Variants in ZBTB43 observed in about 807,000 individuals in gnomAD.
ZBTB43 encodes the protein zinc finger and BTB domain containing 43.
ZBTB43 carries 6 observed loss-of-function variants against 31.1 expected under a neutral mutation model. The ratio of observed to expected loss-of-function variants is 0.19; its 90% CI spans 0.11 to 0.38. The LOEUF (loss-of-function observed/expected upper bound fraction) is 0.38. ZBTB43 is among the 10% of genes least tolerant of loss of function. The probability of loss-of-function intolerance (pLI) is 1.00; values close to 1 mark genes in which losing one functional copy is unlikely to be tolerated. For synonymous variants in ZBTB43, 212 were observed against 221.7 expected (o/e 0.96, Z 0.39); for missense variants, 379 against 602.1 (o/e 0.63, Z 3.88).
At chr9:126,826,043 C>T (rs1407547217) in intron 2 of ZBTB43, among the ~76,000 whole-genome samples, 9 of 133,156 alleles carry the variant, frequency 6.8e-5, no homozygotes, top group African/African-American at 1.1e-4. Flanking sequence ...GATGAAGTTT[C>T]GCTCTTGTTG....
intron 2 of ZBTB43, 184 bp from the exon 3 acceptor site, chr9:126,832,303 T>C: frequency 1.7e-6 from 1 of 591,278 alleles, no homozygotes; most frequent in African/African-American, 1.9e-5. Context: ...GGAGTGGTGG[T>C]GAGTCCTGCC....
chr9:126,804,903 G>C (rs924384131), upstream of ZBTB43: 5 of 152,510 alleles, frequency 3.3e-5, no homozygotes, highest in African/African-American at 9.6e-5. Context: ...CGCTACCTCC[G>C]CGCTCTCTCC....
rs576666515 is a variant in ZBTB43 at position 126,813,213 on chromosome 9, C to T, written c.-24+4298C>T. On this transcript the variant is annotated intron_variant, in intron 2 of 2. Transcript: ENST00000373464. Reference sequence around the variant, plus strand: ...CAGGCCGGTCTGGAACTCCTGACTTCGAGTGATCCACGTGCCTCAGCCTCC... The same window carrying T: ...CAGGCCGGTCTGGAACTCCTGACTTTGAGTGATCCACGTGCCTCAGCCTCC... Among the ~76,000 whole-genome samples the T allele has an allele frequency of 7.2e-5, 11 of 152,244 alleles. No individual in the cohort carries two copies. In the South Asian group the frequency reaches 1.5e-3, roughly 20 times the overall value.
Position 126,811,249 on chromosome 9 carries a change from A to T in ZBTB43, c.-24+2334A>T, listed in dbSNP as rs940047418. Among the ~76,000 whole-genome samples the T allele has an allele frequency of 1.1e-4, 17 of 151,698 alleles. 1 individual carries two copies. The highest frequency in any genetic ancestry group is 6.8e-3 in the Middle Eastern group (2 of 292). ...AAAAAAAAAAAGAAGAAAAAATTAT[A>T]TTCACCTTTTCTTTCCACCTCTTAA... On this transcript the variant is annotated intron_variant, in intron 2 of 2. Coordinates refer to ENST00000373464, the MANE Select transcript of ZBTB43 (RefSeq NM_014007.4).
chr9:126,833,198 C>T lies in ZBTB43; in HGVS notation c.689C>T (p.Pro230Leu). The T allele has an allele frequency of 6.2e-7, 1 of 1,613,632 alleles. No individual in the cohort carries two copies. Among genetic ancestry groups the T allele is most frequent in the South Asian group, 1.1e-5 (1 of 91,082 alleles). The stretch of plus-strand genomic sequence containing the variant: ...AGCGCCGAGTTCCACTACACCCGGC[C>T]CATGTACAGCAAGCCCAGCATCATG... Reference protein sequence around the residue: ...SDSAEFHYTRPMYSKPSIMAH... With the variant: ...SDSAEFHYTRLMYSKPSIMAH... Residue 230 changes from proline (P) to leucine (L), a missense_variant, in exon 3 of 3, where the codon CCC (proline) becomes CTC (leucine). Around this residue, in one of 5 missense-constraint regions of ZBTB43, gnomAD observed 253 missense variants for 322.3 expected, o/e 0.79. Coordinates refer to ENST00000373464, the MANE Select transcript of ZBTB43 (RefSeq NM_014007.4). This position sits in a 1 kb window ranked among gnomAD's most constrained non-coding sequence, Gnocchi z 7.9.
chr9:126,811,082 C>T (rs537289608), intron 2 of ZBTB43, among the ~76,000 whole-genome samples: 5 of 151,732 alleles, frequency 3.3e-5, no homozygotes, highest in East Asian at 4.0e-4. Context: ...ATTAGCTGGG[C>T]GTGGTGTCAC....
chr9:126,832,449 T>G, intron 2 of ZBTB43, 38 bp from the exon 3 acceptor site: 2 of 1,531,572 alleles, frequency 1.3e-6, no homozygotes, highest in South Asian at 2.6e-5. Flanking sequence ...AGTTTATCTT[T>G]GGGCTGGAAT....
At chr9:126,813,636 A>G (rs1295751108) in intron 2 of ZBTB43, among the ~76,000 whole-genome samples, 1 of 152,144 alleles carries the variant, frequency 6.6e-6, no homozygotes, top group East Asian at 1.9e-4. Context: ...CCAATAACTC[A>G]GTGTCTTCAA....
At chr9:126,807,038 G>A (rs1200787223) in intron 1 of ZBTB43, among the ~76,000 whole-genome samples, 1 of 152,094 alleles carries the variant, frequency 6.6e-6, no homozygotes, top group African/African-American at 2.4e-5. Flanking sequence ...TTTCGTTATG[G>A]GGGATGCCTT....
At chr9:126,813,504 C>T (rs905251345) in intron 2 of ZBTB43, among the ~76,000 whole-genome samples, 4 of 152,048 alleles carry the variant, frequency 2.6e-5, no homozygotes, top group Admixed American at 2.6e-4. Flanking sequence ...GAAGGAAGCA[C>T]AAGTAATGAT....
At chr9:126,828,654 AATTATT>A (rs59664603) in intron 2 of ZBTB43, among the ~76,000 whole-genome samples, 7 of 127,744 alleles carry the variant, frequency 5.5e-5, no homozygotes, top group South Asian at 2.5e-4. Flanking sequence ...TAATAATAAT[AATTATT>A]ATTATTATTA....
chr9:126,834,591 C>T lies in ZBTB43; in HGVS notation c.*678C>T, dbSNP rs995321252. 5 of 167,000 alleles carry T rather than the reference C, an allele frequency of 3.0e-5. No individual in the cohort carries two copies. Among genetic ancestry groups the T allele is most frequent in the African/African-American group, 1.2e-4 (5 of 41,442 alleles). The allele number at this position is 167,000 out of a possible 1,614,324, so 10.3% of individuals were successfully genotyped here. A position where few individuals can be genotyped will look rare whatever the true frequency, so the allele number is the denominator to read the frequency against. ...CTACTGTCACAAGGTGTTTCAGACT[C>T]TTGATAAGGCAGTGTTTTGTATTTT... On this transcript the variant is annotated 3_prime_UTR_variant, in exon 3 of 3. Transcript: ENST00000373464.
rs1250642790 is a variant in ZBTB43 at position 126,832,755 on chromosome 9, G to A, written c.246G>A (p.Glu82=). ...LPDVMNPRVF[E]NILLSSYTGR... ...ATGTGATGAACCCAAGAGTGTTTGA[G>A]AACATTCTCCTATCTAGTTATACAG... is the stretch of plus-strand genomic sequence containing the variant. The change falls in exon 3 of 3, where the codon GAG becomes GAA. Residue 82 remains glutamate, a synonymous_variant. Transcript: ENST00000373464. 6.2e-7 allele frequency: 1 copy of A among 1,614,164 alleles called. No homozygotes were observed. Among genetic ancestry groups the A allele is most frequent in the South Asian group, 1.1e-5 (1 of 91,082 alleles).
At chr9:126,810,836 C>T (rs977866360) in intron 2 of ZBTB43, among the ~76,000 whole-genome samples, 7 of 151,614 alleles carry the variant, frequency 4.6e-5, no homozygotes, top group African/African-American at 1.2e-4. Flanking sequence ...GGTCAGCGTG[C>T]GAAAGTTTGT....
In ZBTB43 at chr9:126,835,397, A is replaced by G. The variant is rs1022636437; in HGVS notation, c.*1484A>G. On this transcript the variant is annotated 3_prime_UTR_variant, in exon 3 of 3. Coordinates refer to ENST00000373464, the MANE Select transcript of ZBTB43 (RefSeq NM_014007.4). ...GTGCTACTACCATGTCATCTTTTCC[A>G]CAATCGTACTGGGTTATTTACTTCT... 11 of 167,092 alleles carry G rather than the reference A, an allele frequency of 6.6e-5. No individual in the cohort carries two copies. The highest frequency in any genetic ancestry group is 2.4e-4 in the African/African-American group (10 of 41,458). The allele number at this position is 167,092 out of a possible 1,614,324, so 10.4% of individuals were successfully genotyped here.
chr9:126,806,377 A>G (rs574386569), intron 1 of ZBTB43, among the ~76,000 whole-genome samples: 3 of 152,256 alleles, frequency 2.0e-5, no homozygotes, highest in Admixed American at 6.5e-5. Context: ...CACGGGAGAA[A>G]TAAACCACAC....
intron 2 of ZBTB43, among the ~76,000 whole-genome samples, chr9:126,830,770 GGGGGAATTACAGAGTA>G (rs1308323022): frequency 1.3e-5 from 2 of 150,694 alleles, no homozygotes. Context: ...TACAGAATTT[GGGGGAATTACAGAGTA>G]TGGGCAGGAT....
At chr9:126,818,095 G>A (rs2032430770) in intron 2 of ZBTB43, among the ~76,000 whole-genome samples, 1 of 148,832 alleles carries the variant, frequency 6.7e-6, no homozygotes, top group African/African-American at 2.5e-5. Flanking sequence ...TATTTCAGCA[G>A]TGTTTTGTAG....
At chr9:126,827,458 C>T (rs942247004) in intron 2 of ZBTB43, among the ~76,000 whole-genome samples, 2 of 152,178 alleles carry the variant, frequency 1.3e-5, no homozygotes, top group South Asian at 2.1e-4. Flanking sequence ...GGCAGGGCTG[C>T]GGAATGGGGA....
Sources: allele counts gnomAD v4.1 joint callset (sites outside exome capture counted in the v4.1 genomes callset), GRCh38; gene constraint gnomAD v4.1.1; regional missense constraint gnomAD v4.1.1; non-coding constraint Gnocchi (gnomAD v3.1); transcripts MANE v1.5; gene names NCBI Gene and HGNC (gene_info 2026-07-23, HGNC 2026-07-21).